The following DLG2 variants were observed in gnomAD, a reference collection of about 807,000 sequenced individuals.
DLG2 encodes the protein discs large MAGUK scaffold protein 2.
Under a neutral mutation model 132.5 loss-of-function variants are expected in DLG2, and 45 were observed. The ratio of observed to expected loss-of-function variants is 0.34; its 90% CI spans 0.27 to 0.44. The LOEUF is 0.44. Among genes scored for constraint, DLG2 ranks in the 20% least tolerant of loss-of-function variants. The pLI is 1.00. For missense variants in DLG2, 1,045 were observed against 1,196.9 expected (o/e 0.87, Z 1.87); for synonymous variants, 424 against 419.6 (o/e 1.01, Z -0.13).
At chr11:84,735,773 T>C (rs1246557102) in intron 6 of DLG2, among the ~76,000 whole-genome samples, 1 of 152,120 alleles carries the variant, frequency 6.6e-6, no homozygotes, top group Non-Finnish European at 1.5e-5. Flanking sequence ...TGTGGGCATT[T>C]AGTGCTATAA....
At chr11:84,035,673 C>G (rs2095846366) in intron 11 of DLG2, among the ~76,000 whole-genome samples, 1 of 152,146 alleles carries the variant, frequency 6.6e-6, no homozygotes, top group Non-Finnish European at 1.5e-5. Flanking sequence ...TAGTTTGCAG[C>G]TGGGGTTGAT....
chr11:84,806,126 T>C (rs1168391976), intron 6 of DLG2, among the ~76,000 whole-genome samples: 1 of 151,966 alleles, frequency 6.6e-6, no homozygotes, highest in Non-Finnish European at 1.5e-5. Context: ...GATAAAGCAA[T>C]ATGAATTAAA....
chr11:84,882,180 T>C (rs1361341310), intron 6 of DLG2, among the ~76,000 whole-genome samples: 1 of 152,022 alleles, frequency 6.6e-6, no homozygotes, highest in African/African-American at 2.4e-5. Context: ...GAGATCACTA[T>C]AAGAAGAAAG....
At chr11:84,328,595 T>C (rs1343063756) in intron 7 of DLG2, among the ~76,000 whole-genome samples, 7 of 152,136 alleles carry the variant, frequency 4.6e-5, no homozygotes, top group Admixed American at 3.9e-4. Flanking sequence ...CAAGTTCTTA[T>C]TTTTCAAATG....
intron 4 of DLG2, among the ~76,000 whole-genome samples, chr11:85,226,536 G>A (rs2074988332): frequency 6.6e-6 from 1 of 152,028 alleles, no homozygotes; most frequent in Non-Finnish European, 1.5e-5. Context: ...CTGGGCAACA[G>A]AGCAAGACCC....
intron 7 of DLG2, among the ~76,000 whole-genome samples, chr11:84,529,600 C>G (rs745706947): frequency 6.6e-6 from 1 of 152,144 alleles, no homozygotes; most frequent in East Asian, 1.9e-4. Flanking sequence ...GGTAAAAGAT[C>G]TCTACAACAC....
intron 14 of DLG2, among the ~76,000 whole-genome samples, chr11:83,945,546 A>G (rs960465060): frequency 6.6e-6 from 1 of 152,234 alleles, no homozygotes; most frequent in African/African-American, 2.4e-5. Flanking sequence ...GATAGAGCCT[A>G]TTATTATATA....
chr11:85,292,245 T>A (rs2078939745), intron 3 of DLG2, among the ~76,000 whole-genome samples: 3 of 152,090 alleles, frequency 2.0e-5, no homozygotes, highest in Admixed American at 2.0e-4. Context: ...AGAAGTGGAA[T>A]TTTCAATAAA....
intron 18 of DLG2, among the ~76,000 whole-genome samples, chr11:83,756,427 T>C (rs569847253): frequency 1.5e-4 from 23 of 151,504 alleles, no homozygotes; most frequent in Non-Finnish European, 2.6e-4. Flanking sequence ...TTCATAGCTT[T>C]TATGCTAAAA....
intron 21 of DLG2, among the ~76,000 whole-genome samples, chr11:83,493,126 C>A (rs1435893730): frequency 6.6e-6 from 1 of 152,046 alleles, no homozygotes; most frequent in East Asian, 1.9e-4. Flanking sequence ...TCCTTGAATC[C>A]TTAAATTCAA....
Position 84,630,206 on chromosome 11 carries a change from G to C in DLG2, c.358-95475C>G, listed in dbSNP as rs571423907. 5.3e-5 allele frequency among the ~76,000 whole-genome samples: 8 copies of C among 152,272 alleles called. 1 individual carries two copies. The East Asian group carries it at 1.5e-3, about 29-fold the overall frequency. On this transcript the variant is annotated intron_variant, in intron 6 of 27. Coordinates refer to ENST00000376104, the MANE Select transcript of DLG2 (RefSeq NM_001142699.3). ...CATCTATTTAGCCTCAGCAGATCCA[G>C]TGGTTTCCTAATAGCCTCTAGGGTA... is the stretch of plus-strand genomic sequence containing the variant.
chr11:84,640,429 G>A, intron 6 of DLG2: 2 of 456,412 alleles, frequency 4.4e-6, no homozygotes, highest in South Asian at 4.3e-5. Context: ...ATCTTTGAAG[G>A]AAACAACATT....
At chr11:85,507,217 G>T (rs1039771980) in intron 3 of DLG2, among the ~76,000 whole-genome samples, 10 of 152,142 alleles carry the variant, frequency 6.6e-5, no homozygotes, top group African/African-American at 2.2e-4. Context: ...TACATTTAAG[G>T]TTAATAACGT....
intron 3 of DLG2, among the ~76,000 whole-genome samples, chr11:85,462,014 A>G (rs147158298): frequency 1.2e-4 from 19 of 152,388 alleles, no homozygotes; most frequent in African/African-American, 3.8e-4. Context: ...ACTTCTCAAA[A>G]GAAGACATTT....
chr11:85,088,496 T>C (rs879314154), intron 6 of DLG2, among the ~76,000 whole-genome samples: 5 of 152,200 alleles, frequency 3.3e-5, no homozygotes, highest in Non-Finnish European at 5.9e-5. Context: ...TTTTCTTCCA[T>C]GTGATTCATG....
intron 3 of DLG2, among the ~76,000 whole-genome samples, chr11:85,457,211 G>A (rs1418106315): frequency 1.3e-5 from 2 of 150,328 alleles, no homozygotes; most frequent in African/African-American, 4.9e-5. Flanking sequence ...ATCTTTGTTG[G>A]GCTTAAAGTC....
intron 6 of DLG2, among the ~76,000 whole-genome samples, chr11:84,961,415 C>T (rs1456563535): frequency 6.6e-6 from 1 of 151,942 alleles, no homozygotes; most frequent in Non-Finnish European, 1.5e-5. Context: ...AGCATGCAAC[C>T]ATGATCCTAC....
chr11:83,982,481 A>G (rs2092880313), intron 11 of DLG2, among the ~76,000 whole-genome samples: 1 of 99,516 alleles, frequency 1.0e-5, no homozygotes, highest in Non-Finnish European at 1.9e-5. Context: ...TTTAACGTGT[A>G]AAAAAAAAAA....
At chr11:84,438,820 T>C (rs755348382) in intron 7 of DLG2, among the ~76,000 whole-genome samples, 8 of 152,146 alleles carry the variant, frequency 5.3e-5, no homozygotes, top group Admixed American at 2.0e-4. Flanking sequence ...AGACTCAATA[T>C]AGTAAATGTT....
Sources: gnomAD v4.1 joint callset for allele counts (sites outside exome capture counted in the v4.1 genomes callset) on GRCh38, gnomAD v4.1.1 for gene constraint, MANE v1.5 for transcripts, NCBI Gene and HGNC (gene_info 2026-07-23, HGNC 2026-07-21) for gene names.